PIK3R5: variants seen among roughly 807,000 people sequenced by gnomAD.
The protein encoded by PIK3R5 is phosphoinositide-3-kinase regulatory subunit 5.
In PIK3R5, 32 loss-of-function variants were observed where a neutral mutation model predicts 94.9. That is an observed-to-expected ratio of 0.34 (90% CI 0.25 to 0.45). The LOEUF is 0.45. Among genes scored for constraint, PIK3R5 ranks in the 20% least tolerant of loss-of-function variants. The pLI is 1.00. For synonymous variants in PIK3R5, 443 were observed against 479.4 expected, an observed-to-expected ratio of 0.92 and a Z score of 0.99; for missense variants, 853 against 1,144.6, an observed-to-expected ratio of 0.75 and a Z score of 3.68.
Position 8,893,046 on chromosome 17 carries a change from CTGTGTG to C in PIK3R5, c.482+534_482+539del, listed in dbSNP as rs199732856. ...GTAACCAGGATACATTTCATTTCAG[CTGTGTG>C]TGTGTGTGTGTGTGTGTGTGTGTGT... On this transcript the variant is annotated intron_variant, in intron 6 of 18. Coordinates refer to ENST00000447110, the MANE Select transcript of PIK3R5 (RefSeq NM_001142633.3). This position sits in a 1 kb window ranked among gnomAD's most constrained non-coding sequence, Gnocchi z 5.1. Among the ~76,000 whole-genome samples the C allele has an allele frequency of 1.6e-4, 22 of 135,874 alleles. No individual in the cohort carries two copies. The highest frequency in any genetic ancestry group is 4.1e-4 in the East Asian group (2 of 4,828). The allele number at this position is 135,874 out of a possible 152,430, so 89.1% of individuals were successfully genotyped here.
At chr17:8,933,061 A>C (rs1018537566) in intron 1 of PIK3R5, among the ~76,000 whole-genome samples, 1 of 152,170 alleles carries the variant, frequency 6.6e-6, no homozygotes, top group Non-Finnish European at 1.5e-5. Context: ...AACAACACAA[A>C]CTAGGATAGA....
rs1348504275 is a variant in PIK3R5, at chr17:8,909,301, T to C, written c.104-127A>G. On this transcript the variant is annotated intron_variant, in intron 2 of 18. Coordinates refer to ENST00000447110, the MANE Select transcript of PIK3R5 (RefSeq NM_001142633.3). The surrounding 1 kb of genome is among the most constrained non-coding windows in gnomAD (Gnocchi z 4.3). The stretch of plus-strand genomic sequence containing the variant: ...TGGTATTGCACTGGAACACTCTTTT[T>C]TTTTTTTGAGACAGAGTCTTGCTCT... 1.2e-5 allele frequency: 7 copies of C among 606,974 alleles called. No individual in the cohort carries two copies. The highest frequency in any genetic ancestry group is 1.8e-5 in the Non-Finnish European group (6 of 339,612). The allele number at this position is 606,974 out of a possible 1,614,324, so 37.6% of individuals were successfully genotyped here.
At chr17:8,940,778 C>G (rs957235826) in intron 1 of PIK3R5, among the ~76,000 whole-genome samples, 2 of 152,156 alleles carry the variant, frequency 1.3e-5, no homozygotes, top group Non-Finnish European at 2.9e-5. Context: ...CCAGGCTGGT[C>G]TCAAACTCCT....
intron 3 of PIK3R5, among the ~76,000 whole-genome samples, chr17:8,907,874 G>A (rs954128865): frequency 6.6e-6 from 1 of 152,192 alleles, no homozygotes; most frequent in Non-Finnish European, 1.5e-5. Flanking sequence ...CTGGGCTCAA[G>A]GATTTCTCCC....
chr17:8,881,166 G>A lies in PIK3R5; in HGVS notation c.2383-149C>T. 1 of 661,064 alleles carries A rather than the reference G, an allele frequency of 1.5e-6. No homozygotes were observed. The highest frequency in any genetic ancestry group is 1.7e-5 in the South Asian group (1 of 57,952). The allele number at this position is 661,064 out of a possible 1,614,324, so 40.9% of individuals were successfully genotyped here. ...ACTGCGCTCCAGGGTTAATGGCCAG[G>A]TCACAGGAGGGAGCCTGAGGCCTCC... On this transcript the variant is annotated intron_variant, in intron 17 of 18. Coordinates refer to ENST00000447110, the MANE Select transcript of PIK3R5 (RefSeq NM_001142633.3). This position sits in a 1 kb window ranked among gnomAD's most constrained non-coding sequence, Gnocchi z 4.8.
Position 8,893,016 on chromosome 17 carries a change from C to G in PIK3R5, c.482+570G>C, listed in dbSNP as rs2090062892. Among the ~76,000 whole-genome samples the G allele has an allele frequency of 6.6e-6, 1 of 150,700 alleles. No individual in the cohort carries two copies. Among genetic ancestry groups the G allele is most frequent in the Non-Finnish European group, 1.5e-5 (1 of 67,858 alleles). On this transcript the variant is annotated intron_variant, in intron 6 of 18. Transcript: ENST00000447110. The surrounding 1 kb of genome is among the most constrained non-coding windows in gnomAD (Gnocchi z 5.1). ...TGAAATAGAATAGAACAGAGCTCAT[C>G]CTATGTAACCAGGATACATTTCATT...
Position 8,880,968 on chromosome 17 carries a change from T to A in PIK3R5, c.2432A>T (p.Asn811Ile). The A allele has an allele frequency of 6.2e-7, 1 of 1,614,142 alleles. No homozygotes were observed. Among genetic ancestry groups the A allele is most frequent in the Non-Finnish European group, 8.5e-7 (1 of 1,179,998 alleles). ...KVDKVQIIGS[N>I]SCPFAVCLDQ... ...CAGGCACACAGCAAAGGGGCAGCTG[T>A]TGGAGCCGATGATCTGCACCTTGTC... The change falls in exon 18 of 19, where the codon AAC (asparagine) becomes ATC (isoleucine). Residue 811 changes from asparagine to isoleucine, a missense_variant. Asn to Ile is a moderately radical substitution (Grantham distance 149, BLOSUM62 -3). Coordinates refer to ENST00000447110, the MANE Select transcript of PIK3R5 (RefSeq NM_001142633.3).
intron 1 of PIK3R5, among the ~76,000 whole-genome samples, chr17:8,919,317 A>G (rs1176755835): frequency 6.6e-6 from 1 of 152,210 alleles, no homozygotes; most frequent in East Asian, 1.9e-4. Context: ...GACCTTTTAT[A>G]TATTTACATA....
intron 1 of PIK3R5, among the ~76,000 whole-genome samples, chr17:8,944,907 C>T (rs1020870330): frequency 1.3e-4 from 20 of 152,182 alleles, no homozygotes; most frequent in Non-Finnish European, 2.8e-4. Context: ...CCTACACTTA[C>T]GCCCTAATGT....
chr17:8,908,323 G>A (rs1348343875), intron 3 of PIK3R5, among the ~76,000 whole-genome samples: 19 of 152,012 alleles, frequency 1.2e-4, no homozygotes, highest in Admixed American at 1.2e-3. Context: ...TTTGCTACAC[G>A]GTGATCCAGA....
chr17:8,941,066 A>G (rs1453118723), intron 1 of PIK3R5, among the ~76,000 whole-genome samples: 1 of 152,226 alleles, frequency 6.6e-6, no homozygotes, highest in East Asian at 1.9e-4. Context: ...GATCACAGCC[A>G]CAGCATCCCT....
chr17:8,942,945 A>G (rs2091211105), intron 1 of PIK3R5, among the ~76,000 whole-genome samples: 1 of 133,070 alleles, frequency 7.5e-6, no homozygotes, highest in Non-Finnish European at 1.6e-5. Context: ...CGCCAGCTGG[A>G]CAAAGCAGAT....
In PIK3R5 at chr17:8,886,405, TC is replaced by T. The variant is rs1264533407; in HGVS notation, c.2034+71del. 17 of 1,601,408 alleles carry T rather than the reference TC, an allele frequency of 1.1e-5. No individual in the cohort carries two copies. The African/African-American group carries it at 2.1e-4, about 20-fold the overall frequency. On this transcript the variant is annotated intron_variant, in intron 13 of 18. Transcript: ENST00000447110. ...TCCTCCAGCATAGACCTGCTGGCTC[TC>T]CCGGGGCAGGGGTGGGGCCTTGCAG...
intron 1 of PIK3R5, among the ~76,000 whole-genome samples, chr17:8,939,473 C>T (rs912185605): frequency 2.0e-5 from 3 of 152,186 alleles, no homozygotes; most frequent in African/African-American, 7.2e-5. Flanking sequence ...TGGGAGTATA[C>T]GTTCTTCTCA....
At chr17:8,948,665 G>C (rs181359737) in intron 1 of PIK3R5, among the ~76,000 whole-genome samples, 179 of 152,266 alleles carry the variant, frequency 1.2e-3, no homozygotes, top group African/African-American at 4.2e-3. Context: ...GCAAAAAAAA[G>C]CACTGTTGTG....
chr17:8,898,106 C>T (rs1214142389), intron 5 of PIK3R5, among the ~76,000 whole-genome samples: 2 of 152,200 alleles, frequency 1.3e-5, no homozygotes, highest in Non-Finnish European at 2.9e-5. Context: ...AAACCTCCCC[C>T]ACCTACTAGT....
rs2090346410 is a variant in PIK3R5, at chr17:8,904,047, G to A, written c.412+730C>T. 6.6e-6 allele frequency among the ~76,000 whole-genome samples: 1 copy of A among 152,184 alleles called. No individual in the cohort carries two copies. The highest frequency in any genetic ancestry group is 6.5e-5 in the Admixed American group (1 of 15,280). ...AGTAATCGTTTCCATATATTGAGGG[G>A]TTTTGAATATCAGGAATGATGATGA... On this transcript the variant is annotated intron_variant, in intron 5 of 18. Transcript: ENST00000447110. The surrounding 1 kb of genome is among the most constrained non-coding windows in gnomAD (Gnocchi z 5.1).
In PIK3R5 at chr17:8,895,944, C is replaced by A. The variant is rs983151816; in HGVS notation, c.413-2289G>T. 1.1e-4 allele frequency among the ~76,000 whole-genome samples: 16 copies of A among 152,282 alleles called. No individual in the cohort carries two copies. In the East Asian group the frequency reaches 2.9e-3, roughly 28 times the overall value. On this transcript the variant is annotated intron_variant, in intron 5 of 18. Transcript: ENST00000447110. ...GCCCTCACCCCCAAAACACCATCAA[C>A]CCCCTTCCTTGGCCTCTCTTGGTAA... is the stretch of plus-strand genomic sequence containing the variant.
chr17:8,884,853 G>C lies in PIK3R5; in HGVS notation c.2129-70C>G. The C allele has an allele frequency of 3.8e-6, 5 of 1,302,594 alleles. No individual in the cohort carries two copies. The South Asian group carries it at 5.9e-5, about 15-fold the overall frequency. The allele number at this position is 1,302,594 out of a possible 1,614,324, so 80.7% of individuals were successfully genotyped here. On this transcript the variant is annotated intron_variant, in intron 14 of 18. Transcript: ENST00000447110. The surrounding 1 kb of genome is among the most constrained non-coding windows in gnomAD (Gnocchi z 5.8). Reference sequence around the variant, plus strand: ...GGCTCCTCACGAACGCAGTGGCCTTGCCTCCCTGGGCCTTACCTCCCCATC... The same window carrying C: ...GGCTCCTCACGAACGCAGTGGCCTTCCCTCCCTGGGCCTTACCTCCCCATC...
Sources: allele counts gnomAD v4.1 joint callset (sites outside exome capture counted in the v4.1 genomes callset), GRCh38; gene constraint gnomAD v4.1.1; non-coding constraint Gnocchi (gnomAD v3.1); transcripts MANE v1.5; gene names NCBI Gene and HGNC (gene_info 2026-07-23, HGNC 2026-07-21).